RELN: variants seen among roughly 807,000 people sequenced by gnomAD.
The protein encoded by RELN is reelin.
RELN carries 108 observed loss-of-function variants against 427.6 expected under a neutral mutation model. That is an observed-to-expected ratio of 0.25 (90% confidence interval 0.22 to 0.30). The LOEUF (loss-of-function observed/expected upper bound fraction) is 0.30, where lower values mean the gene tolerates loss of function less well. RELN is among the 10% of genes least tolerant of loss of function. The pLI, the probability that RELN is intolerant of heterozygous loss-of-function variation, is 1.00. For missense variants in RELN, 3,715 were observed against 4,302.8 expected (o/e 0.86, Z 3.82); for synonymous variants, 1,524 against 1,513.4 (o/e 1.01, Z -0.16).
At chr7:103,867,227 C>T (rs1794221216) in intron 2 of RELN, among the ~76,000 whole-genome samples, 1 of 151,972 alleles carries the variant, frequency 6.6e-6, no homozygotes, top group African/African-American at 2.4e-5. Flanking sequence ...GCTGTTATCC[C>T]TGTGCAGAGC....
chr7:103,494,572 A>AG (rs1828775294), intron 57 of RELN, among the ~76,000 whole-genome samples: 1 of 134,416 alleles, frequency 7.4e-6, no homozygotes, highest in South Asian at 2.4e-4. Flanking sequence ...TGGTAGAGAT[A>AG]GGGGGTCTTG....
Position 103,472,885 on chromosome 7 carries a change from A to C in RELN, c.10310T>G (p.Met3437Arg). The C allele has an allele frequency of 6.2e-7, 1 of 1,613,956 alleles. No homozygotes were observed. Among genetic ancestry groups the C allele is most frequent in the Non-Finnish European group, 8.5e-7 (1 of 1,179,844 alleles). ...GAGCCCATGTTGTCGTGAAAAATTC[A>C]TCATGTAATTTTGTTTGCGAGTGCT... ...LVSTRKQNYM[M>R]NFSRQHGLRH... Residue 3437 changes from methionine to arginine, a missense_variant, in exon 65 of 65, where the codon ATG becomes AGG. Physicochemically the swap from Met to Arg is moderately conservative, Grantham distance 91. This residue lies in a region of RELN where 195 missense variants were observed against 281.3 expected (regional missense o/e 0.69). Transcript: ENST00000428762.
intron 63 of RELN, among the ~76,000 whole-genome samples, chr7:103,479,416 T>G (rs3823992): frequency 6.6e-6 from 1 of 152,094 alleles, no homozygotes; most frequent in South Asian, 2.1e-4. Flanking sequence ...ATTCAGACTT[T>G]ATGGAATGAG....
Position 103,497,896 on chromosome 7 carries a change from A to C in RELN, c.8874T>G (p.Ser2958Arg). ...GATGGCAAGAGGTCATGTTGTTCTCACTACCGATGCGCCCCCAGTATTGCA... is the reference window on the plus strand; with the variant it reads ...GATGGCAAGAGGTCATGTTGTTCTCCCTACCGATGCGCCCCCAGTATTGCA... ...KFLQYWGRIG[S>R]ENNMTSCHRP... The change falls in exon 55 of 65, where the codon AGT (serine) becomes AGG (arginine). Residue 2958 changes from serine to arginine, a missense_variant. Ser to Arg is a moderately radical substitution (Grantham distance 110). Transcript: ENST00000428762. 1.2e-6 allele frequency: 2 copies of C among 1,614,136 alleles called. No individual in the cohort carries two copies. The highest frequency in any genetic ancestry group is 1.7e-6 in the Non-Finnish European group (2 of 1,180,006).
chr7:103,494,829 G>A lies in RELN; in HGVS notation c.9369+894C>T, dbSNP rs534765641. ...TTTAGGAAGTTCCAACAGGACTAAT[G>A]TAGTATAGGCATATGAAGTCAGAGA... On this transcript the variant is annotated intron_variant, in intron 57 of 64. Coordinates refer to ENST00000428762, the MANE Select transcript of RELN (RefSeq NM_005045.4). Among the ~76,000 whole-genome samples the A allele has an allele frequency of 6.6e-5, 10 of 152,180 alleles. No individual in the cohort carries two copies. The South Asian group carries it at 1.5e-3, about 22-fold the overall frequency.
At chr7:103,983,632 G>A (rs1797037170) in intron 1 of RELN, among the ~76,000 whole-genome samples, 1 of 152,150 alleles carries the variant, frequency 6.6e-6, no homozygotes, top group African/African-American at 2.4e-5. Flanking sequence ...TCTAAAATCA[G>A]GTAAAGAGGG....
chr7:103,864,491 C>T (rs188381643), intron 2 of RELN, among the ~76,000 whole-genome samples: 3 of 152,236 alleles, frequency 2.0e-5, no homozygotes, highest in Admixed American at 6.5e-5. Flanking sequence ...TTCTATTCTC[C>T]GCTTCTGTGA....
Position 103,661,382 on chromosome 7 carries a change from C to A in RELN, c.1435G>T (p.Val479Leu), listed in dbSNP as rs1220962945. The stretch of plus-strand genomic sequence containing the variant: ...TTTGTGAAAATGTACTTACCCATCA[C>A]AAAGTAAAACCTCAGGTTCCCATAA... The part of the protein sequence containing the change: ...TGYGNLRFYF[V>L]MGGICDPGNS... Residue 479 changes from valine to leucine, a missense_variant, in exon 12 of 65, where the codon GTG becomes TTG. Val to Leu is a conservative substitution (Grantham distance 32, BLOSUM62 1). Around this residue, in one of 4 missense-constraint regions of RELN, gnomAD observed 2,208 missense variants for 2,361.7 expected, o/e 0.93. Transcript: ENST00000428762. 6.2e-7 allele frequency: 1 copy of A among 1,613,822 alleles called. No homozygotes were observed. Among genetic ancestry groups the A allele is most frequent in the Non-Finnish European group, 8.5e-7 (1 of 1,179,918 alleles).
At chr7:103,985,043 T>C (rs1797068101) in intron 1 of RELN, among the ~76,000 whole-genome samples, 1 of 152,208 alleles carries the variant, frequency 6.6e-6, no homozygotes, top group South Asian at 2.1e-4. Context: ...TACTGGAAAT[T>C]GTCAAAATAA....
At chr7:103,895,128 A>G (rs1794931334) in intron 2 of RELN, among the ~76,000 whole-genome samples, 1 of 152,104 alleles carries the variant, frequency 6.6e-6, no homozygotes, top group Non-Finnish European at 1.5e-5. Context: ...CTTCCTGTTA[A>G]TTGGTAATTA....
chr7:103,586,067 A>T (rs1831262981), intron 28 of RELN, among the ~76,000 whole-genome samples: 1 of 152,184 alleles, frequency 6.6e-6, no homozygotes, highest in African/African-American at 2.4e-5. Context: ...AACACACCTC[A>T]AAATAATAAA....
chr7:103,831,881 G>A (rs758821959), intron 3 of RELN, among the ~76,000 whole-genome samples: 1 of 152,148 alleles, frequency 6.6e-6, no homozygotes, highest in Non-Finnish European at 1.5e-5. Flanking sequence ...ACCACAATAT[G>A]TAGGATATAC....
chr7:103,519,724 G>A lies in RELN; in HGVS notation c.7669-208C>T, dbSNP rs143511087. Among the ~76,000 whole-genome samples the A allele has an allele frequency of 0.022, 3,397 of 151,894 alleles. 138 individuals carry two copies. Among genetic ancestry groups the A allele is most frequent in the African/African-American group, 0.078 (3,236 of 41,420 alleles). On this transcript the variant is annotated intron_variant, in intron 48 of 64. Transcript: ENST00000428762. ...CAGCCTCCCAAGTGGCTGGGACTAC[G>A]GGTACATGCCTCCATGTCTAGCTAA...
At chr7:103,967,701 G>A (rs1198204885) in intron 1 of RELN, among the ~76,000 whole-genome samples, 1 of 152,200 alleles carries the variant, frequency 6.6e-6, no homozygotes, top group Non-Finnish European at 1.5e-5. Context: ...CAGTTCTTCA[G>A]CTCCAGCAGA....
At chr7:103,535,519 A>G (rs886539300) in intron 45 of RELN, 35 bp from the exon 46 acceptor site, 7 of 1,555,712 alleles carry the variant, frequency 4.5e-6, no homozygotes, top group Non-Finnish European at 6.2e-6. Context: ...ATATAAACAC[A>G]TATCTGCAGA....
intron 36 of RELN, 90 bp downstream of exon 36, chr7:103,561,442 G>A: frequency 9.7e-7 from 1 of 1,026,804 alleles, no homozygotes; most frequent in South Asian, 1.3e-5. Context: ...GTCATTTGAA[G>A]AGATTCAGAA....
chr7:103,615,986 G>C (rs2191707), intron 20 of RELN, among the ~76,000 whole-genome samples: 17,096 of 152,096 alleles, frequency 0.11, 1,044 homozygotes, highest in South Asian at 0.17. Flanking sequence ...TAGAATACTT[G>C]AGCCACAAAG....
At chr7:103,678,831 A>G (rs905469457) in intron 11 of RELN, among the ~76,000 whole-genome samples, 1 of 152,204 alleles carries the variant, frequency 6.6e-6, no homozygotes, top group Non-Finnish European at 1.5e-5. Flanking sequence ...CCCTTGAGTG[A>G]GTGAGGATTT....
rs111870738 is a variant in RELN, at chr7:103,845,462, C to T, written c.338-11790G>A. On this transcript the variant is annotated intron_variant, in intron 2 of 64. Transcript: ENST00000428762. ...TCCCAAAGTGCTGGGATTACAGGCACGAGCCAAGGCACCCGACCCACTCTC... is the reference window on the plus strand; with the variant it reads ...TCCCAAAGTGCTGGGATTACAGGCATGAGCCAAGGCACCCGACCCACTCTC... Among the ~76,000 whole-genome samples, 267 of 152,252 alleles carry T rather than the reference C, an allele frequency of 1.8e-3. 1 individual carries two copies. Among genetic ancestry groups the T allele is most frequent in the African/African-American group, 6.0e-3 (248 of 41,568 alleles).
Sources: allele counts gnomAD v4.1 joint callset (sites outside exome capture counted in the v4.1 genomes callset), GRCh38; gene constraint gnomAD v4.1.1; regional missense constraint gnomAD v4.1.1; transcripts MANE v1.5; gene names NCBI Gene and HGNC (gene_info 2026-07-23, HGNC 2026-07-21).